The following CDH13 variants were observed in gnomAD, a reference collection of about 807,000 sequenced individuals.
The protein encoded by CDH13 is cadherin 13, also known as cadherin-13.
In CDH13, 24 loss-of-function variants were observed where a neutral mutation model predicts 63.8. The observed-to-expected ratio is 0.38, with a 90% CI of 0.27 to 0.53. The LOEUF is 0.53. CDH13 is among the 20% of genes least tolerant of loss of function. The pLI, the probability that CDH13 is intolerant of heterozygous loss-of-function variation, is 0.85. For synonymous variants in CDH13, 503 were observed against 355.3 expected (o/e 1.42, Z -4.67); for missense variants, 1,049 against 903.1 (o/e 1.16, Z -2.07).
intron 2 of CDH13, among the ~76,000 whole-genome samples, chr16:83,023,975 A>G (rs1253781436): frequency 3.3e-5 from 5 of 152,188 alleles, no homozygotes; most frequent in Admixed American, 3.3e-4. Context: ...AACAGGAGCA[A>G]TTTAGATTTT....
chr16:83,308,057 A>G lies in CDH13; in HGVS notation c.637-36805A>G, dbSNP rs186405837. 2.0e-5 allele frequency among the ~76,000 whole-genome samples: 3 copies of G among 152,302 alleles called. No individual in the cohort carries two copies. The East Asian group carries it at 5.8e-4, about 29-fold the overall frequency. Reference sequence around the variant, plus strand: ...TACCTCAATCAGAAGCCAAATAACTAATTGTAAAAGCTCTAAAATATGCTT... The same window carrying G: ...TACCTCAATCAGAAGCCAAATAACTGATTGTAAAAGCTCTAAAATATGCTT... On this transcript the variant is annotated intron_variant, in intron 5 of 13. Coordinates refer to ENST00000567109, the MANE Select transcript of CDH13 (RefSeq NM_001257.5).
intron 10 of CDH13, among the ~76,000 whole-genome samples, chr16:83,698,402 C>A (rs931848791): frequency 5.9e-5 from 9 of 152,172 alleles, no homozygotes; most frequent in African/African-American, 2.2e-4. Context: ...TTACTTTCTC[C>A]CAGTGTCACT....
At chr16:82,791,933 G>T (rs1340163108) in intron 1 of CDH13, among the ~76,000 whole-genome samples, 1 of 152,148 alleles carries the variant, frequency 6.6e-6, no homozygotes, top group Non-Finnish European at 1.5e-5. Flanking sequence ...CTTGGGAGCG[G>T]CCCGCCCCAT....
intron 8 of CDH13, among the ~76,000 whole-genome samples, chr16:83,627,833 C>G (rs11149584): frequency 0.43 from 65,361 of 151,756 alleles, 14,144 homozygotes; most frequent in South Asian, 0.52. Context: ...ACAAGTATGG[C>G]TACACCATAG....
rs1915173358 is a variant in CDH13 at position 82,687,262 on chromosome 16, C to A, written c.45+60125C>A. ...AGGCAGGGTTTAGCACAAGGGGTAACTAAATCTTAACTTCTGGGATACTGG... is the reference window on the plus strand; with the variant it reads ...AGGCAGGGTTTAGCACAAGGGGTAAATAAATCTTAACTTCTGGGATACTGG... On this transcript the variant is annotated intron_variant, in intron 1 of 13. Transcript: ENST00000567109. 4.6e-5 allele frequency among the ~76,000 whole-genome samples: 7 copies of A among 152,284 alleles called. No homozygotes were observed. The South Asian group carries it at 1.2e-3, about 27-fold the overall frequency.
At chr16:83,147,172 A>G (rs976992259) in intron 4 of CDH13, among the ~76,000 whole-genome samples, 3 of 152,324 alleles carry the variant, frequency 2.0e-5, no homozygotes, top group Admixed American at 6.5e-5. Flanking sequence ...GAAGAGGTCA[A>G]ATCCACAGAA....
At chr16:82,791,917 T>C (rs373400481) in intron 1 of CDH13, among the ~76,000 whole-genome samples, 1 of 152,300 alleles carries the variant, frequency 6.6e-6, no homozygotes, top group African/African-American at 2.4e-5. Context: ...AAAGGCTTGC[T>C]GCCATCTTGG....
At chr16:83,023,390 C>T (rs1172901983) in intron 2 of CDH13, among the ~76,000 whole-genome samples, 1 of 151,858 alleles carries the variant, frequency 6.6e-6, no homozygotes, top group Non-Finnish European at 1.5e-5. Context: ...TCTCCATGTA[C>T]AGTATCTTAT....
intron 6 of CDH13, among the ~76,000 whole-genome samples, chr16:83,416,218 A>T (rs750627102): frequency 1.1e-4 from 17 of 152,226 alleles, no homozygotes; most frequent in Non-Finnish European, 2.2e-4. Context: ...TATTCTGAAA[A>T]CTACAAAACA....
intron 5 of CDH13, among the ~76,000 whole-genome samples, chr16:83,267,343 C>T (rs1186923177): frequency 1.3e-5 from 2 of 152,154 alleles, no homozygotes; most frequent in African/African-American, 4.8e-5. Context: ...GGATTATCCT[C>T]AGGCTAATTC....
At chr16:83,426,509 T>TCACACACACA (rs10545707) in intron 6 of CDH13, among the ~76,000 whole-genome samples, 2,131 of 146,572 alleles carry the variant, frequency 0.015, 29 homozygotes, top group Middle Eastern at 0.024. Flanking sequence ...ATGGAAACAA[T>TCACACACACA]CACACACACA....
At chr16:83,771,509 G>A (rs763656293) in intron 11 of CDH13, among the ~76,000 whole-genome samples, 19 of 152,230 alleles carry the variant, frequency 1.2e-4, no homozygotes, top group African/African-American at 3.1e-4. Context: ...CAGGAAGACC[G>A]TGGCAGGGTG....
chr16:83,512,825 C>T (rs144402563), intron 7 of CDH13, among the ~76,000 whole-genome samples: 220 of 152,174 alleles, frequency 1.4e-3, no homozygotes, highest in Non-Finnish European at 2.4e-3. Flanking sequence ...AACACATTCT[C>T]GGGCCTCCCC....
intron 1 of CDH13, among the ~76,000 whole-genome samples, chr16:82,797,518 C>T (rs1222688155): frequency 6.6e-6 from 1 of 152,182 alleles, no homozygotes. Context: ...TCTGATCTTT[C>T]AATGATCTGA....
chr16:82,842,145 T>TATATATATATATATATAC (rs2039055974), intron 1 of CDH13, among the ~76,000 whole-genome samples: 4 of 27,592 alleles, frequency 1.4e-4, no homozygotes, highest in African/African-American at 4.6e-4. Context: ...TATACACATA[T>TATATATATATATATATAC]ATATATATAT....
chr16:83,290,117 A>C (rs1349713280), intron 5 of CDH13, among the ~76,000 whole-genome samples: 1 of 152,168 alleles, frequency 6.6e-6, no homozygotes, highest in Non-Finnish European at 1.5e-5. Context: ...CATCATGGTT[A>C]GTCAGATGCA....
intron 2 of CDH13, among the ~76,000 whole-genome samples, chr16:82,991,157 G>C (rs183868339): frequency 1.2e-3 from 184 of 152,288 alleles, no homozygotes; most frequent in African/African-American, 4.0e-3. Context: ...TGACAACTTA[G>C]ATGGCCTGGA....
intron 7 of CDH13, among the ~76,000 whole-genome samples, chr16:83,522,911 C>G (rs1010368326): frequency 3.3e-5 from 5 of 152,196 alleles, no homozygotes; most frequent in African/African-American, 1.2e-4. Flanking sequence ...CAGTGTGACT[C>G]CAGCTAGCCA....
chr16:82,849,467 A>C (rs2039393943), intron 1 of CDH13, among the ~76,000 whole-genome samples: 1 of 152,178 alleles, frequency 6.6e-6, no homozygotes, highest in Non-Finnish European at 1.5e-5. Context: ...ACACCACTGC[A>C]CTCCAGCCTG....
Sources: gnomAD v4.1 joint callset for allele counts (sites outside exome capture counted in the v4.1 genomes callset) on GRCh38, gnomAD v4.1.1 for gene constraint, MANE v1.5 for transcripts, NCBI Gene and HGNC (gene_info 2026-07-23, HGNC 2026-07-21) for gene names.